GRIA1: variants seen among roughly 807,000 people sequenced by gnomAD.
GRIA1 encodes glutamate ionotropic receptor AMPA type subunit 1.
GRIA1 carries 31 observed loss-of-function variants against 99.2 expected under a neutral mutation model. That is an observed-to-expected ratio of 0.31 (90% CI 0.23 to 0.42). GRIA1 has a LOEUF of 0.42. Among genes scored for constraint, GRIA1 ranks in the 10% least tolerant of loss-of-function variants. The pLI is 1.00. For missense variants in GRIA1, 782 were observed against 1,157.5 expected, an observed-to-expected ratio of 0.68 and a Z score of 4.71; for synonymous variants, 438 against 432.4, an observed-to-expected ratio of 1.01 and a Z score of -0.16.
In GRIA1 at chr5:153,650,312, T is replaced by C. The variant is rs55981636; in HGVS notation, c.461-18T>C. ...TCCTGACTGTCTGTCATTTCTCTTC[T>C]ACTCATCTGAACTTTAGGCTTATCC... On this transcript the variant is annotated intron_variant, in intron 3 of 15. Coordinates refer to ENST00000285900, the MANE Select transcript of GRIA1 (RefSeq NM_000827.4). 1 of 1,608,308 alleles carries C rather than the reference T, an allele frequency of 6.2e-7. No individual in the cohort carries two copies. Among genetic ancestry groups the C allele is most frequent in the Non-Finnish European group, 8.5e-7 (1 of 1,176,152 alleles).
intron 11 of GRIA1, among the ~76,000 whole-genome samples, chr5:153,718,443 G>A (rs991540753): frequency 1.3e-5 from 2 of 152,116 alleles, no homozygotes; most frequent in African/African-American, 4.8e-5. Context: ...GGAGATGACT[G>A]TGTTTTGAGG....
intron 2 of GRIA1, among the ~76,000 whole-genome samples, chr5:153,526,121 T>A (rs913158020): frequency 3.3e-5 from 5 of 152,188 alleles, no homozygotes; most frequent in Non-Finnish European, 5.9e-5. Context: ...TGTTTCTTTA[T>A]CTGTATGATG....
chr5:153,777,574 T>G (rs1764339284), intron 13 of GRIA1, among the ~76,000 whole-genome samples: 2 of 152,222 alleles, frequency 1.3e-5, no homozygotes, highest in South Asian at 4.1e-4. Context: ...TCTACCCCTC[T>G]CCTCCTCCCA....
intron 2 of GRIA1, among the ~76,000 whole-genome samples, chr5:153,627,834 A>G (rs1352055489): frequency 4.6e-5 from 7 of 152,232 alleles, no homozygotes; most frequent in African/African-American, 1.7e-4. Context: ...TGGTCGGTAG[A>G]CCAGAGACAA....
At chr5:153,641,312 C>T (rs1007705834) in intron 2 of GRIA1, among the ~76,000 whole-genome samples, 5 of 152,074 alleles carry the variant, frequency 3.3e-5, no homozygotes, top group Non-Finnish European at 7.4e-5. Flanking sequence ...TTGTTAATGC[C>T]AGGAGTTCCC....
intron 14 of GRIA1, among the ~76,000 whole-genome samples, chr5:153,799,756 C>A (rs1319706494): frequency 6.6e-6 from 1 of 152,108 alleles, no homozygotes; most frequent in African/African-American, 2.4e-5. Context: ...GGATGTATCC[C>A]CCCTCACACA....
At chr5:153,719,722 T>A (rs1759922661) in intron 11 of GRIA1, among the ~76,000 whole-genome samples, 1 of 152,098 alleles carries the variant, frequency 6.6e-6, no homozygotes, top group Admixed American at 6.5e-5. Context: ...ATTCCACCTT[T>A]CAGTAAGAGA....
rs115961543 is a variant in GRIA1 at position 153,776,110 on chromosome 5, G to A, written c.2270+5695G>A. 6.1e-3 allele frequency among the ~76,000 whole-genome samples: 924 copies of A among 152,226 alleles called. 10 individuals carry two copies. Among genetic ancestry groups the A allele is most frequent in the African/African-American group, 0.021 (881 of 41,526 alleles). ...ACAGGCTCCTGGAGATTACCCTGGC[G>A]GTGGTTTGCGATACGCATCAGAGAG... On this transcript the variant is annotated intron_variant, in intron 13 of 15. Transcript: ENST00000285900.
chr5:153,677,169 C>A lies in GRIA1; in HGVS notation c.1029+8C>A. ...CAGAGAGCTCTGCAGCAGGTAAGAC[C>A]ACCAATGTTTGCCCCATCTCATAGG... On this transcript the variant is annotated splice_region_variant and intron_variant, in intron 7 of 15. Transcript: ENST00000285900. 1.4e-6 allele frequency: 2 copies of A among 1,450,424 alleles called. No homozygotes were observed. The highest frequency in any genetic ancestry group is 1.4e-5 in the African/African-American group (1 of 70,052). 89.8% of individuals were successfully genotyped at this position (1,450,424 alleles called of 1,614,324 possible). A position where few individuals can be genotyped will look rare whatever the true frequency, so the allele number is the denominator to read the frequency against.
intron 3 of GRIA1, among the ~76,000 whole-genome samples, chr5:153,647,904 A>G (rs975381431): frequency 2.0e-4 from 30 of 152,132 alleles, no homozygotes. Flanking sequence ...CCTCTTTTGC[A>G]GGATGTCCCT....
chr5:153,636,368 G>A (rs1753360279), intron 2 of GRIA1, among the ~76,000 whole-genome samples: 1 of 152,184 alleles, frequency 6.6e-6, no homozygotes, highest in African/African-American at 2.4e-5. Flanking sequence ...GAATAGTGTA[G>A]GGTAGGAGTT....
At chr5:153,693,206 C>T (rs530088949) in intron 8 of GRIA1, among the ~76,000 whole-genome samples, 1 of 152,166 alleles carries the variant, frequency 6.6e-6, no homozygotes, top group Non-Finnish European at 1.5e-5. Context: ...AATGGCAACT[C>T]TGCTGGAGAT....
intron 2 of GRIA1, among the ~76,000 whole-genome samples, chr5:153,549,741 T>C (rs993111763): frequency 3.5e-4 from 44 of 125,656 alleles, no homozygotes; most frequent in African/African-American, 1.1e-3. Flanking sequence ...CAAAGTGATC[T>C]AGAAATTCCA....
At chr5:153,637,655 G>A (rs1753467866) in intron 2 of GRIA1, among the ~76,000 whole-genome samples, 1 of 152,136 alleles carries the variant, frequency 6.6e-6, no homozygotes, top group African/African-American at 2.4e-5. Flanking sequence ...GAGGAGACTG[G>A]GTGTTGTAGG....
intron 2 of GRIA1, among the ~76,000 whole-genome samples, chr5:153,601,772 A>G (rs2149398557): frequency 6.6e-6 from 1 of 152,340 alleles, no homozygotes; most frequent in East Asian, 1.9e-4. Flanking sequence ...TTTGAATTGT[A>G]AGGGACCTTA....
chr5:153,721,257 C>G (rs113068712), intron 11 of GRIA1, among the ~76,000 whole-genome samples: 1 of 152,162 alleles, frequency 6.6e-6, no homozygotes, highest in African/African-American at 2.4e-5. Context: ...ACTCTTTCCT[C>G]TTAAATTTAA....
intron 2 of GRIA1, among the ~76,000 whole-genome samples, chr5:153,623,895 A>G (rs1455326879): frequency 6.6e-6 from 1 of 152,198 alleles, no homozygotes; most frequent in Non-Finnish European, 1.5e-5. Context: ...CGTCAGTAAG[A>G]TGGTAGGTGA....
chr5:153,591,172 C>T (rs1763942959), intron 2 of GRIA1, among the ~76,000 whole-genome samples: 1 of 152,192 alleles, frequency 6.6e-6, no homozygotes, highest in Non-Finnish European at 1.5e-5. Context: ...ATGCAGACTC[C>T]TTCCCATAAT....
intron 2 of GRIA1, among the ~76,000 whole-genome samples, chr5:153,524,573 A>T (rs1477591583): frequency 6.6e-6 from 1 of 152,204 alleles, no homozygotes. Flanking sequence ...GATCACTTCT[A>T]AAAAATCAAT....
Sources: allele counts gnomAD v4.1 joint callset (sites outside exome capture counted in the v4.1 genomes callset), GRCh38; gene constraint gnomAD v4.1.1; transcripts MANE v1.5; gene names NCBI Gene and HGNC (gene_info 2026-07-23, HGNC 2026-07-21).